The following COL16A1 variants were observed in gnomAD, a reference collection of about 807,000 sequenced individuals.
The protein encoded by COL16A1 is collagen type XVI alpha 1 chain.
In COL16A1, 189 loss-of-function variants were observed where a neutral mutation model predicts 266.3. The observed-to-expected ratio is 0.71, with a 90% CI of 0.63 to 0.80. The LOEUF (loss-of-function observed/expected upper bound fraction) is 0.80, where lower values mean the gene tolerates loss of function less well. Among genes scored for constraint, COL16A1 ranks in the 30% least tolerant of loss-of-function variants. The pLI is 0.00. For missense variants in COL16A1, 1,928 were observed against 2,122.4 expected, an observed-to-expected ratio of 0.91 and a Z score of 1.80; for synonymous variants, 740 against 782.3, an observed-to-expected ratio of 0.95 and a Z score of 0.90.
intron 4 of COL16A1, 51 bp downstream of exon 4, chr1:31,699,762 A>G (rs1209551438): frequency 8.7e-7 from 1 of 1,152,544 alleles, no homozygotes; most frequent in Admixed American, 1.7e-5. Flanking sequence ...GTTGCTGAGG[A>G]GTGTGGCTGA....
intron 62 of COL16A1, among the ~76,000 whole-genome samples, 166 bp from the exon 63 acceptor site, chr1:31,659,130 C>A (rs1278885284): frequency 6.6e-6 from 1 of 152,226 alleles, no homozygotes; most frequent in Non-Finnish European, 1.5e-5. Context: ...AAGATTTGCG[C>A]CCAGAGCTGA....
chr1:31,685,840 A>G lies in COL16A1; in HGVS notation c.1885-70T>C. The G allele has an allele frequency of 6.3e-7, 1 of 1,592,692 alleles. No homozygotes were observed. The highest frequency in any genetic ancestry group is 2.3e-5 in the East Asian group (1 of 44,434). On this transcript the variant is annotated intron_variant, in intron 28 of 70. Transcript: ENST00000373672. This position sits in a 1 kb window ranked among gnomAD's most constrained non-coding sequence, Gnocchi z 4.0. ...TGCACTTGAGCGAGGTTTGGAATCT[A>G]GGGCTGGGGAATGTCACTGGGTCTG...
intron 56 of COL16A1, 107 bp from the exon 57 acceptor site, chr1:31,662,765 A>C: frequency 1.7e-6 from 2 of 1,179,472 alleles, no homozygotes; most frequent in Non-Finnish European, 2.3e-6. Context: ...TGACTGCTGG[A>C]AACAGGACAG....
rs746823278 is a variant in COL16A1 at position 31,679,653 on chromosome 1, G to A, written c.2751C>T (p.Pro917=). ...TTACCTGCAGCCCAGGTACTCCAGGGGGGCCTGGTGGTCCGGGAATACCTG... is the reference window on the plus strand; with the variant it reads ...TTACCTGCAGCCCAGGTACTCCAGGAGGGCCTGGTGGTCCGGGAATACCTG... ...GPPGIPGPPG[P]PGVPGLQGVP... is the part of the protein sequence containing the mutation. The change falls in exon 42 of 71, where the codon CCC becomes CCT. Residue 917 remains proline, a synonymous_variant. Coordinates refer to ENST00000373672, the MANE Select transcript of COL16A1 (RefSeq NM_001856.4). The A allele has an allele frequency of 6.2e-7, 1 of 1,614,214 alleles. No homozygotes were observed. Among genetic ancestry groups the A allele is most frequent in the African/African-American group, 1.3e-5 (1 of 75,070 alleles).
chr1:31,690,565 C>T lies in COL16A1; in HGVS notation c.1446G>A (p.Ser482=), dbSNP rs747289524. ...PPGPKGDKGS[S]GIPGKEGPGG... is the part of the protein sequence containing the mutation. ...CAGGGCCTTCCTTTCCTGGGATCCCCGAGCTGCCCTGTGGTCAGAAGAAAG... is the reference window on the plus strand; with the variant it reads ...CAGGGCCTTCCTTTCCTGGGATCCCTGAGCTGCCCTGTGGTCAGAAGAAAG... The change falls in exon 21 of 71, where the codon TCG becomes TCA. Residue 482 remains serine, a synonymous_variant. Transcript: ENST00000373672. The T allele has an allele frequency of 3.7e-5, 59 of 1,613,666 alleles. No homozygotes were observed. Among genetic ancestry groups the T allele is most frequent in the East Asian group, 8.9e-5 (4 of 44,878 alleles).
At chr1:31,658,813 G>C in intron 63 of COL16A1, 101 bp downstream of exon 63, 1 of 1,380,360 alleles carries the variant, frequency 7.2e-7, no homozygotes, top group Non-Finnish European at 1.0e-6. Flanking sequence ...GAGGGGATGA[G>C]ACAAACTGTT....
intron 20 of COL16A1, 141 bp from the exon 21 acceptor site, chr1:31,690,714 G>T: frequency 7.3e-7 from 1 of 1,379,058 alleles, no homozygotes; most frequent in Non-Finnish European, 9.7e-7. Context: ...CATTCGGTCG[G>T]TTCCTGTTGC....
At position 31,671,655 on chromosome 1, in the gene COL16A1, G is replaced by A. The variant is rs746260551; in HGVS notation, c.3110C>T (p.Pro1037Leu). The A allele has an allele frequency of 1.9e-5, 30 of 1,613,902 alleles. No individual in the cohort carries two copies. Among genetic ancestry groups the A allele is most frequent in the Middle Eastern group, 1.6e-4 (1 of 6,084 alleles). The part of the protein sequence containing the change: ...GLPGQRGEEG[P>L]PGMRGSPGPP... ...ACCCGGGGAGCCCCTCATGCCAGGC[G>A]GACCCTGCAAAGGAAGCCAAGGGAA... Residue 1037 changes from proline (P) to leucine (L), a missense_variant, in exon 48 of 71, where the codon CCG becomes CTG. This residue lies in a region of COL16A1 where 1,552 missense variants were observed against 1,637.2 expected (regional missense o/e 0.95). Transcript: ENST00000373672.
In COL16A1 at chr1:31,684,333, A is replaced by G; in HGVS notation, c.2161-102T>C. 3 of 1,445,288 alleles carry G rather than the reference A, an allele frequency of 2.1e-6. No individual in the cohort carries two copies. In the South Asian group the frequency reaches 4.5e-5, roughly 21 times the overall value. 89.5% of individuals were successfully genotyped at this position (1,445,288 alleles called of 1,614,324 possible). ...AACACTCTGCCCCTTGAATGCTCCCACGTCAGCCTGGGAAATCAAAACAGG... is the reference window on the plus strand; with the variant it reads ...AACACTCTGCCCCTTGAATGCTCCCGCGTCAGCCTGGGAAATCAAAACAGG... On this transcript the variant is annotated intron_variant, in intron 31 of 70. Transcript: ENST00000373672.
chr1:31,653,523 G>A, intron 70 of COL16A1, 76 bp downstream of exon 70: 1 of 1,500,538 alleles, frequency 6.7e-7, no homozygotes, highest in Non-Finnish European at 9.0e-7. Context: ...TGACACAGCT[G>A]TGTCATAGAA....
intron 15 of COL16A1, 39 bp downstream of exon 15, chr1:31,692,559 G>A: frequency 6.2e-7 from 1 of 1,614,062 alleles, no homozygotes; most frequent in Non-Finnish European, 8.5e-7. Flanking sequence ...CTGGGCCCTG[G>A]ACCCACCATC....
chr1:31,679,335 A>C, intron 42 of COL16A1: 4 of 1,392,120 alleles, frequency 2.9e-6, no homozygotes, highest in South Asian at 1.5e-5. Flanking sequence ...TGCTACTCCA[A>C]AACAGTGGGC....
intron 28 of COL16A1, 53 bp downstream of exon 28, chr1:31,686,038 T>C: frequency 6.2e-7 from 1 of 1,606,954 alleles, no homozygotes; most frequent in Non-Finnish European, 8.5e-7. Flanking sequence ...AAGACGAGTG[T>C]CTATCTAGGA....
intron 28 of COL16A1, 76 bp downstream of exon 28, chr1:31,686,015 T>C: frequency 6.3e-7 from 1 of 1,588,944 alleles, no homozygotes; most frequent in Non-Finnish European, 8.6e-7. Context: ...CCCCAGAGGG[T>C]TCGAAGTCGA....
At chr1:31,682,137 G>C (rs1279951873) in intron 37 of COL16A1, among the ~76,000 whole-genome samples, 1 of 152,192 alleles carries the variant, frequency 6.6e-6, no homozygotes, top group Non-Finnish European at 1.5e-5. Context: ...TAGATTATCT[G>C]GTAAAATTCT....
chr1:31,656,166 A>C lies in COL16A1; in HGVS notation c.4101+234T>G, dbSNP rs1258865819. 1.5e-6 allele frequency: 1 copy of C among 651,370 alleles called. No individual in the cohort carries two copies. The highest frequency in any genetic ancestry group is 2.6e-6 in the Non-Finnish European group (1 of 385,900). 40.3% of individuals were successfully genotyped at this position (651,370 alleles called of 1,614,324 possible). A position where few individuals can be genotyped will look rare whatever the true frequency, so the allele number is the denominator to read the frequency against. ...AGTGCTCGGGAAATGGAAACAATGA[A>C]TGAATCAATCAGTCAATCAGTGAGT... On this transcript the variant is annotated intron_variant, in intron 66 of 70. Coordinates refer to ENST00000373672, the MANE Select transcript of COL16A1 (RefSeq NM_001856.4). The surrounding 1 kb of genome is among the most constrained non-coding windows in gnomAD (Gnocchi z 4.2).
At position 31,688,767 on chromosome 1, in the gene COL16A1, C is replaced by T. The variant is rs1318455607; in HGVS notation, c.1767+94G>A. The T allele has an allele frequency of 7.4e-7, 1 of 1,357,220 alleles. No individual in the cohort carries two copies. Among genetic ancestry groups the T allele is most frequent in the Admixed American group, 2.0e-5 (1 of 49,490 alleles). 84.1% of individuals were successfully genotyped at this position (1,357,220 alleles called of 1,614,324 possible). On this transcript the variant is annotated intron_variant, in intron 25 of 70. Transcript: ENST00000373672. This position sits in a 1 kb window ranked among gnomAD's most constrained non-coding sequence, Gnocchi z 4.9. The stretch of plus-strand genomic sequence containing the variant: ...TGCCTCTTCCCCTCCCTCCTGATCC[C>T]TGCCCTGAGACTTGGGATCTGAAAA...
intron 20 of COL16A1, 73 bp downstream of exon 20, chr1:31,691,115 T>C: frequency 6.4e-7 from 1 of 1,557,950 alleles, no homozygotes; most frequent in Non-Finnish European, 8.7e-7. Flanking sequence ...TGTGGGAAGC[T>C]GCCCCGGCCC....
Position 31,657,081 on chromosome 1 carries a change from G to A in COL16A1, c.4021-13C>T. 16 of 1,614,196 alleles carry A rather than the reference G, an allele frequency of 9.9e-6. No homozygotes were observed. The highest frequency in any genetic ancestry group is 1.4e-5 in the Non-Finnish European group (16 of 1,180,042). ...TACCAGGTTCGCCCTGGGGAGTAGA[G>A]AGCAATGGAGACATGAGGAGCTCCA... On this transcript the variant is annotated splice_polypyrimidine_tract_variant and intron_variant, in intron 64 of 70. Coordinates refer to ENST00000373672, the MANE Select transcript of COL16A1 (RefSeq NM_001856.4). The surrounding 1 kb of genome is among the most constrained non-coding windows in gnomAD (Gnocchi z 6.4).
Sources: gnomAD v4.1 joint callset for allele counts (sites outside exome capture counted in the v4.1 genomes callset) on GRCh38, gnomAD v4.1.1 for gene constraint, gnomAD v4.1.1 regional missense constraint, Gnocchi (gnomAD v3.1) non-coding constraint, MANE v1.5 for transcripts, NCBI Gene and HGNC (gene_info 2026-07-23, HGNC 2026-07-21) for gene names.